Variants in GPM6B observed in about 807,000 individuals in gnomAD.
The protein encoded by GPM6B is neuronal membrane glycoprotein M6-b.
A neutral mutation model predicts 27.2 loss-of-function variants in GPM6B; 4 were observed. The ratio of observed to expected loss-of-function variants is 0.15; its 90% CI spans 0.07 to 0.34. The LOEUF is 0.34. Among genes scored for constraint, GPM6B ranks in the 10% least tolerant of loss-of-function variants. The pLI is 1.00. For synonymous variants in GPM6B, 124 were observed against 103.1 expected (o/e 1.20, Z -1.23); for missense variants, 183 against 261.9 (o/e 0.70, Z 2.08).
intron 5 of GPM6B, 118 bp downstream of exon 5, chrX:13,779,700 T>C: frequency 3.4e-6 from 2 of 588,537 alleles, no homozygotes; most frequent in Non-Finnish European, 2.5e-6. Context: ...ATTACTCTAA[T>C]AGAAGGGATG....
intron 2 of GPM6B, among the ~76,000 whole-genome samples, chrX:13,798,974 T>C (rs774968676): frequency 4.5e-5 from 5 of 111,604 alleles, no homozygotes; most frequent in Non-Finnish European, 9.4e-5. Context: ...GATCACCTGG[T>C]GGGGGAGCTT....
rs773073935 is a variant in GPM6B, at chrX:13,920,826, G to A, written c.-198+17501C>T. On this transcript the variant is annotated intron_variant, in intron 1 of 6. Transcript: ENST00000398361. ...GAATGGTGTGAACCCCGGAGGCAGA[G>A]CTTGCAGTGAGCCGAGATCGCGCCA... 2.8e-5 allele frequency among the ~76,000 whole-genome samples: 3 copies of A among 109,079 alleles called. No homozygotes were observed. The South Asian group carries it at 1.2e-3, about 44-fold the overall frequency. The allele number at this position is 109,079 out of a possible 115,157, so 94.7% of individuals were successfully genotyped here.
intron 1 of GPM6B, among the ~76,000 whole-genome samples, chrX:13,870,412 G>A (rs1005893000): frequency 1.2e-4 from 14 of 112,453 alleles, no homozygotes; most frequent in African/African-American, 4.5e-4. Flanking sequence ...ATCCACTTAA[G>A]ATTCTGAACC....
chrX:13,832,504 C>T (rs2049450294), intron 1 of GPM6B, among the ~76,000 whole-genome samples: 1 of 111,572 alleles, frequency 9.0e-6, no homozygotes, highest in Non-Finnish European at 1.9e-5. Context: ...TACAGAAAAC[C>T]AGTGCCTTGT....
At chrX:13,831,606 C>T (rs1187398148) in intron 1 of GPM6B, among the ~76,000 whole-genome samples, 3 of 111,633 alleles carry the variant, frequency 2.7e-5, no homozygotes. Context: ...CCTGCTCTTA[C>T]TGACCTCTAA....
At chrX:13,799,554 G>T (rs978013225) in intron 2 of GPM6B, among the ~76,000 whole-genome samples, 60 of 109,700 alleles carry the variant, frequency 5.5e-4, no homozygotes, top group African/African-American at 2.0e-3. Context: ...CCTGGCCCAG[G>T]AAATGAGCCA....
chrX:13,807,490 A>C (rs1481522602), intron 2 of GPM6B, among the ~76,000 whole-genome samples, 160 bp downstream of exon 2: 1 of 112,586 alleles, frequency 8.9e-6, no homozygotes, highest in Non-Finnish European at 1.9e-5. Context: ...AAGAAAGATG[A>C]TTAAAAAATG....
rs760333790 is a variant in GPM6B at position 13,816,773 on chromosome X, A to C, written c.61+71T>G. 64 of 1,116,879 alleles carry C rather than the reference A, an allele frequency of 5.7e-5. No homozygotes were observed. The Admixed American group carries it at 1.4e-3, about 25-fold the overall frequency. 92.0% of individuals were successfully genotyped at this position (1,116,879 alleles called of 1,213,427 possible). The stretch of plus-strand genomic sequence containing the variant: ...AGAGCCATTTTAAAAGAGAGACAAA[A>C]CCCAGCTAACCCTTTTTAAGCACCC... On this transcript the variant is annotated intron_variant, in intron 1 of 7. Coordinates refer to ENST00000316715, the MANE Select transcript of GPM6B (RefSeq NM_001001995.3).
chrX:13,801,967 CA>C (rs2048928246), intron 2 of GPM6B, among the ~76,000 whole-genome samples: 1 of 110,894 alleles, frequency 9.0e-6, no homozygotes, highest in Non-Finnish European at 1.9e-5. Context: ...TGGACGCACT[CA>C]GGGGGTGAGG....
chrX:13,837,361 C>T (rs1603064238), intron 1 of GPM6B, among the ~76,000 whole-genome samples: 2 of 111,530 alleles, frequency 1.8e-5, no homozygotes, highest in East Asian at 5.7e-4. Context: ...ATTCATTTTA[C>T]ACACACGGCC....
chrX:13,915,512 G>A (rs1451898343), intron 1 of GPM6B, among the ~76,000 whole-genome samples: 2 of 111,895 alleles, frequency 1.8e-5, no homozygotes, highest in East Asian at 5.7e-4. Flanking sequence ...CCCTCCATCA[G>A]GAGGAGGTGA....
intron 1 of GPM6B, among the ~76,000 whole-genome samples, chrX:13,927,933 T>C (rs1921291492): frequency 8.9e-6 from 1 of 112,124 alleles, no homozygotes; most frequent in Admixed American, 9.5e-5. Context: ...TGCTTTCCAC[T>C]TAAAATAGAG....
intron 7 of GPM6B, 63 bp downstream of exon 7, chrX:13,776,175 A>G: frequency 1.1e-6 from 1 of 945,777 alleles, no homozygotes; most frequent in South Asian, 2.0e-5. Context: ...TGGAAGGGAA[A>G]TCTGTCATTT....
intron 1 of GPM6B, among the ~76,000 whole-genome samples, chrX:13,934,996 A>G (rs1344544401): frequency 2.7e-5 from 3 of 111,192 alleles, no homozygotes; most frequent in Non-Finnish European, 5.7e-5. Context: ...TGAATCAGAC[A>G]CTGCTTTTTT....
intron 1 of GPM6B, among the ~76,000 whole-genome samples, chrX:13,845,853 C>T (rs1243789038): frequency 8.9e-6 from 1 of 111,858 alleles, no homozygotes; most frequent in Admixed American, 9.5e-5. Flanking sequence ...GAGGTAAACA[C>T]CCACACAGAA....
chrX:13,773,353 G>T (rs1434550802), intron 7 of GPM6B: 1 of 162,239 alleles, frequency 6.2e-6, no homozygotes, highest in Non-Finnish European at 1.1e-5. Context: ...TAATTTTAAA[G>T]ACTAATGCGA....
chrX:13,841,017 CAT>C (rs1009977070), intron 1 of GPM6B, among the ~76,000 whole-genome samples: 5 of 111,931 alleles, frequency 4.5e-5, no homozygotes, highest in East Asian at 5.6e-4. Context: ...GTGCATGTCT[CAT>C]ATATACATGC....
At chrX:13,813,771 G>T (rs1004980257) in intron 1 of GPM6B, among the ~76,000 whole-genome samples, 7 of 111,922 alleles carry the variant, frequency 6.3e-5, no homozygotes, top group Non-Finnish European at 1.1e-4. Context: ...TTTTGATTCT[G>T]TCTTATTCAT....
At chrX:13,811,223 A>T (rs2049125630) in intron 1 of GPM6B, among the ~76,000 whole-genome samples, 1 of 112,653 alleles carries the variant, frequency 8.9e-6, no homozygotes, top group Non-Finnish European at 1.9e-5. Flanking sequence ...TCATTGCCAA[A>T]GGTGGGCATG....
Sources: gnomAD v4.1 joint callset for allele counts (sites outside exome capture counted in the v4.1 genomes callset) on GRCh38, gnomAD v4.1.1 for gene constraint, MANE v1.5 for transcripts, NCBI Gene and HGNC (gene_info 2026-07-23, HGNC 2026-07-21) for gene names.